SLC46A2: variants seen among roughly 807,000 people sequenced by gnomAD.
SLC46A2 encodes solute carrier family 46 member 2, also known as thymic stromal co-transporter.
A neutral mutation model predicts 33.1 loss-of-function variants in SLC46A2; 25 were observed. That is an observed-to-expected ratio of 0.76 (90% CI 0.55 to 1.06). The LOEUF is 1.06. Ranked by LOEUF, SLC46A2 falls within the 50% of genes least tolerant of loss-of-function variation. SLC46A2 has a pLI of 0.00. For missense variants in SLC46A2, 622 were observed against 621.7 expected, an observed-to-expected ratio of 1.00 and a Z score of 0.00; for synonymous variants, 254 against 275.9, an observed-to-expected ratio of 0.92 and a Z score of 0.79.
rs1038201136 is a variant in SLC46A2, at chr9:112,887,428, A to G, written c.1130-15T>C. 6.3e-7 allele frequency: 1 copy of G among 1,597,604 alleles called. No homozygotes were observed. Among genetic ancestry groups the G allele is most frequent in the Non-Finnish European group, 8.5e-7 (1 of 1,173,700 alleles). On this transcript the variant is annotated splice_polypyrimidine_tract_variant and intron_variant, in intron 1 of 3. Coordinates refer to ENST00000374228, the MANE Select transcript of SLC46A2 (RefSeq NM_033051.4). Reference sequence around the variant, plus strand: ...GACGGCTCGAGCTGAAAGAGATCACACAAGAACACTCCTTGCTGTAGCCCA... The same window carrying G: ...GACGGCTCGAGCTGAAAGAGATCACGCAAGAACACTCCTTGCTGTAGCCCA...
chr9:112,889,668 G>C lies in SLC46A2; in HGVS notation c.1014C>G (p.Val338=), dbSNP rs755008769. Residue 338 remains valine (V), a synonymous_variant, in exon 1 of 4, where the codon GTC becomes GTG. Coordinates refer to ENST00000374228, the MANE Select transcript of SLC46A2 (RefSeq NM_033051.4). ...CCCGAAAGCAGCGGGAGAAGACCAGGACACCCAGGAAGCTGGTGATGAAGA... is the reference window on the plus strand; with the variant it reads ...CCCGAAAGCAGCGGGAGAAGACCAGCACACCCAGGAAGCTGGTGATGAAGA... ...YTIFITSFLG[V]LVFSRCFRDT... is the part of the protein sequence containing the mutation. 3 of 1,614,106 alleles carry C rather than the reference G, an allele frequency of 1.9e-6. No homozygotes were observed. Among genetic ancestry groups the C allele is most frequent in the Non-Finnish European group, 2.5e-6 (3 of 1,180,016 alleles).
rs778280415 is a variant in SLC46A2, at chr9:112,889,986, C to T, written c.696G>A (p.Ser232=). ...YSLLVLKVPE[S]VAKPSQELPA... ...GGAGCTCCTGGCTGGGTTTGGCCAC[C>T]GACTCAGGGACCTTTAGCACCAAAA... The change falls in exon 1 of 4, where the codon TCG becomes TCA. Residue 232 remains serine (S), a synonymous_variant. Coordinates refer to ENST00000374228, the MANE Select transcript of SLC46A2 (RefSeq NM_033051.4). 7 of 1,614,122 alleles carry T rather than the reference C, an allele frequency of 4.3e-6. No homozygotes were observed. The Admixed American group carries it at 1.2e-4, about 27-fold the overall frequency.
In SLC46A2 at chr9:112,878,992, A is replaced by C. The variant is rs559230708; in HGVS notation, c.*770T>G. 1 of 152,240 alleles carries C rather than the reference A, an allele frequency of 6.6e-6. No homozygotes were observed. Among genetic ancestry groups the C allele is most frequent in the Non-Finnish European group, 1.5e-5 (1 of 68,034 alleles). 9.4% of individuals were successfully genotyped at this position (152,240 alleles called of 1,614,324 possible). ...AGTAAACAAGGTTATAAAAATGACTACCTCAAATAAAATAGCTCTTAATGT... is the reference window on the plus strand; with the variant it reads ...AGTAAACAAGGTTATAAAAATGACTCCCTCAAATAAAATAGCTCTTAATGT... On this transcript the variant is annotated 3_prime_UTR_variant, in exon 4 of 4. Coordinates refer to ENST00000374228, the MANE Select transcript of SLC46A2 (RefSeq NM_033051.4).
rs373518175 is a variant in SLC46A2, at chr9:112,890,491, C to T, written c.191G>A (p.Gly64Glu). 6.8e-6 allele frequency: 11 copies of T among 1,614,058 alleles called. No homozygotes were observed. The highest frequency in any genetic ancestry group is 6.7e-5 in the African/African-American group (5 of 74,924). Reference protein sequence around the residue: ...SNHSASPSPRGALEDQQQRAI... With the variant: ...SNHSASPSPREALEDQQQRAI... Reference sequence around the variant, plus strand: ...TCTCTGCTGTTGGTCCTCTAGAGCCCCCCGGGGCGATGGGCTGGCACTGTG... The same window carrying T: ...TCTCTGCTGTTGGTCCTCTAGAGCCTCCCGGGGCGATGGGCTGGCACTGTG... Residue 64 changes from glycine (G) to glutamate (E), a missense_variant, in exon 1 of 4, where the codon GGG becomes GAG. Physicochemically the swap from Gly to Glu is moderately conservative, Grantham distance 98. Transcript: ENST00000374228. This position sits in a 1 kb window ranked among gnomAD's most constrained non-coding sequence, Gnocchi z 6.0.
rs1052647372 is a variant in SLC46A2 at position 112,890,057 on chromosome 9, T to G, written c.625A>C (p.Thr209Pro). ...AGHSGQGLILTACSVSCASFA... is the reference protein window; with the variant it reads ...AGHSGQGLILPACSVSCASFA... ...GAGGCACAGCTCACGCTGCAGGCCG[T>G]CAGTATCAGGCCCTGCCCAGAGTGC... is the stretch of plus-strand genomic sequence containing the variant. Residue 209 changes from threonine (T) to proline (P), a missense_variant, in exon 1 of 4, where the codon ACG becomes CCG. Physicochemically the swap from Thr to Pro is conservative, Grantham distance 38. Coordinates refer to ENST00000374228, the MANE Select transcript of SLC46A2 (RefSeq NM_033051.4). The surrounding 1 kb of genome is among the most constrained non-coding windows in gnomAD (Gnocchi z 6.0). 1.9e-6 allele frequency: 3 copies of G among 1,613,826 alleles called. 1 individual carries two copies. Among genetic ancestry groups the G allele is most frequent in the African/African-American group, 2.7e-5 (2 of 75,060 alleles).
intron 2 of SLC46A2, 38 bp downstream of exon 2, chr9:112,887,292 G>A (rs376017853): frequency 2.9e-5 from 47 of 1,594,252 alleles, no homozygotes; most frequent in South Asian, 1.0e-4. Flanking sequence ...GAAACAGCCC[G>A]GGCAGAAGAT....
At position 112,890,580 on chromosome 9, in the gene SLC46A2, G is replaced by A; in HGVS notation, c.102C>T (p.Ser34=). The A allele has an allele frequency of 6.2e-7, 1 of 1,611,978 alleles. No homozygotes were observed. The highest frequency in any genetic ancestry group is 8.5e-7 in the Non-Finnish European group (1 of 1,179,988). The change falls in exon 1 of 4, where the codon TCC becomes TCT. Residue 34 remains serine (S), a synonymous_variant. Transcript: ENST00000374228. The surrounding 1 kb of genome is among the most constrained non-coding windows in gnomAD (Gnocchi z 6.0). Reference sequence around the variant, plus strand: ...CGAGGAGTAGCCCCGCATCGTAGAGGGAGGCAGCCACCTGGGACGAGGCCA... The same window carrying A: ...CGAGGAGTAGCCCCGCATCGTAGAGAGAGGCAGCCACCTGGGACGAGGCCA... ...PVVASSQVAA[S]LYDAGLLLVV...
chr9:112,890,569 G>T lies in SLC46A2; in HGVS notation c.113C>A (p.Ala38Glu), dbSNP rs528171072. The change falls in exon 1 of 4, where the codon GCG becomes GAG. Residue 38 changes from alanine (A) to glutamate (E), a missense_variant. Physicochemically the swap from Ala to Glu is moderately radical, Grantham distance 107. Transcript: ENST00000374228. This position sits in a 1 kb window ranked among gnomAD's most constrained non-coding sequence, Gnocchi z 6.0. ...CGCCTTCACCACGAGGAGTAGCCCC[G>T]CATCGTAGAGGGAGGCAGCCACCTG... ...SSQVAASLYD[A>E]GLLLVVKASY... 2 of 1,612,748 alleles carry T rather than the reference G, an allele frequency of 1.2e-6. No individual in the cohort carries two copies. Among genetic ancestry groups the T allele is most frequent in the Non-Finnish European group, 1.7e-6 (2 of 1,180,014 alleles).
At chr9:112,882,358 C>G (rs1441601253) in intron 3 of SLC46A2, among the ~76,000 whole-genome samples, 1 of 152,198 alleles carries the variant, frequency 6.6e-6, no homozygotes, top group African/African-American at 2.4e-5. Context: ...TCCCCCACCT[C>G]AGCCTCCCAA....
At chr9:112,886,906 TG>T (rs1434593629) in intron 2 of SLC46A2, among the ~76,000 whole-genome samples, 2 of 152,142 alleles carry the variant, frequency 1.3e-5, no homozygotes, top group African/African-American at 4.8e-5. Context: ...TAATTTTTTT[TG>T]TTTAGAGATG....
At chr9:112,884,877 G>C (rs1463955052) in intron 3 of SLC46A2, among the ~76,000 whole-genome samples, 1 of 152,192 alleles carries the variant, frequency 6.6e-6, no homozygotes, top group Non-Finnish European at 1.5e-5. Flanking sequence ...AATAAAATTG[G>C]ACTGGATAAT....
At position 112,889,631 on chromosome 9, in the gene SLC46A2, T is replaced by G; in HGVS notation, c.1051A>C (p.Ile351Leu). 1 of 1,614,052 alleles carries G rather than the reference T, an allele frequency of 6.2e-7. No individual in the cohort carries two copies. The part of the protein sequence containing the change: ...FSRCFRDTTM[I>L]MIGMVSFGSG... Reference sequence around the variant, plus strand: ...CCAAAGGAGACCATCCCAATCATGATCATGGTGGTGTCCCGAAAGCAGCGG... The same window carrying G: ...CCAAAGGAGACCATCCCAATCATGAGCATGGTGGTGTCCCGAAAGCAGCGG... The change falls in exon 1 of 4, where the codon ATC becomes CTC. Residue 351 changes from isoleucine to leucine, a missense_variant. Physicochemically the swap from Ile to Leu is conservative, Grantham distance 5. Coordinates refer to ENST00000374228, the MANE Select transcript of SLC46A2 (RefSeq NM_033051.4).
chr9:112,889,623 A>G lies in SLC46A2; in HGVS notation c.1059T>C (p.Ile353=), dbSNP rs1841698579. ...CTCCTGACCCAAAGGAGACCATCCCAATCATGATCATGGTGGTGTCCCGAA... is the reference window on the plus strand; with the variant it reads ...CTCCTGACCCAAAGGAGACCATCCCGATCATGATCATGGTGGTGTCCCGAA... ...RCFRDTTMIM[I]GMVSFGSGAL... Residue 353 remains isoleucine (I), a synonymous_variant, in exon 1 of 4, where the codon ATT becomes ATC. Transcript: ENST00000374228. The G allele has an allele frequency of 6.2e-7, 1 of 1,614,044 alleles. No individual in the cohort carries two copies. The highest frequency in any genetic ancestry group is 1.3e-5 in the African/African-American group (1 of 74,930).
rs761459250 is a variant in SLC46A2, at chr9:112,886,499, A to G, written c.1331T>C (p.Leu444Pro). The change falls in exon 3 of 4, where the codon CTC (leucine) becomes CCC (proline). Residue 444 changes from leucine to proline, a missense_variant. Coordinates refer to ENST00000374228, the MANE Select transcript of SLC46A2 (RefSeq NM_033051.4). Reference protein sequence around the residue: ...MDMFVGSCFALSSFLSFLAII... With the variant: ...MDMFVGSCFAPSSFLSFLAII... The stretch of plus-strand genomic sequence containing the variant: ...GGCCAGGAAGGAGAGAAAGGAGGAG[A>G]GAGCAAAGCAGGAGCCCACAAACAT... The G allele has an allele frequency of 1.1e-5, 17 of 1,614,096 alleles. No homozygotes were observed. The highest frequency in any genetic ancestry group is 1.4e-5 in the Non-Finnish European group (17 of 1,180,042).
At position 112,889,945 on chromosome 9, in the gene SLC46A2, A is replaced by T; in HGVS notation, c.737T>A (p.Val246Glu). Reference protein sequence around the residue: ...PSQELPAVDTVSGTVGTYRTL... With the variant: ...PSQELPAVDTESGTVGTYRTL... ...GCGGTATGTGCCAACCGTGCCAGAC[A>T]CGGTATCCACGGCGGGGAGCTCCTG... Residue 246 changes from valine to glutamate, a missense_variant, in exon 1 of 4, where the codon GTG (valine) becomes GAG (glutamate). Val to Glu is a moderately radical substitution (Grantham distance 121). Transcript: ENST00000374228. The T allele has an allele frequency of 6.2e-7, 1 of 1,614,196 alleles. No individual in the cohort carries two copies. Among genetic ancestry groups the T allele is most frequent in the Non-Finnish European group, 8.5e-7 (1 of 1,180,032 alleles).
In SLC46A2 at chr9:112,879,140, C is replaced by G. The variant is rs1422512232; in HGVS notation, c.*622G>C. ...CTTAAAAGCAACAGTAGTAACAAAACTACCCAGAAGACAAGGGCCTGAGCT... is the reference window on the plus strand; with the variant it reads ...CTTAAAAGCAACAGTAGTAACAAAAGTACCCAGAAGACAAGGGCCTGAGCT... On this transcript the variant is annotated 3_prime_UTR_variant, in exon 4 of 4. Transcript: ENST00000374228. 1 of 152,240 alleles carries G rather than the reference C, an allele frequency of 6.6e-6. No homozygotes were observed. Among genetic ancestry groups the G allele is most frequent in the Non-Finnish European group, 1.5e-5 (1 of 68,056 alleles). The allele number at this position is 152,240 out of a possible 1,614,324, so 9.4% of individuals were successfully genotyped here. A position where few individuals can be genotyped will look rare whatever the true frequency, so the allele number is the denominator to read the frequency against.
At chr9:112,880,876 G>C (rs1022293141) in intron 3 of SLC46A2, among the ~76,000 whole-genome samples, 5 of 152,044 alleles carry the variant, frequency 3.3e-5, no homozygotes, top group African/African-American at 1.2e-4. Context: ...CTTACTCCAG[G>C]TTCATTCCAG....
Position 112,890,668 on chromosome 9 carries a change from AC to A in SLC46A2, c.13del (p.Val5SerfsTer40), listed in dbSNP as rs1474395595. 1 of 1,596,828 alleles carries A rather than the reference AC, an allele frequency of 6.3e-7. No homozygotes were observed. The highest frequency in any genetic ancestry group is 8.5e-7 in the Non-Finnish European group (1 of 1,178,982). MSPE[V>X]TCPRRGHLPR... The stretch of plus-strand genomic sequence containing the variant: ...CAGGTGGCCCCTCCGCGGGCAGGTG[AC>A]CTCGGGGCTCATGTGACCTCTCTGA... On this transcript the variant is annotated frameshift_variant, in exon 1 of 4. Transcript: ENST00000374228. LOFTEE classifies it high-confidence loss of function. This position sits in a 1 kb window ranked among gnomAD's most constrained non-coding sequence, Gnocchi z 6.0.
chr9:112,886,941 C>T (rs1480535102), intron 2 of SLC46A2, among the ~76,000 whole-genome samples: 1 of 152,116 alleles, frequency 6.6e-6, no homozygotes, highest in Non-Finnish European at 1.5e-5. Flanking sequence ...GTTGTCCAGG[C>T]TGGTCTTGAA....
Sources: allele counts gnomAD v4.1 joint callset (sites outside exome capture counted in the v4.1 genomes callset), GRCh38; gene constraint gnomAD v4.1.1; non-coding constraint Gnocchi (gnomAD v3.1); transcripts MANE v1.5; gene names NCBI Gene and HGNC (gene_info 2026-07-23, HGNC 2026-07-21).